Variants in ITPR2 observed in about 807,000 individuals in gnomAD.
ITPR2 encodes inositol 1,4,5-trisphosphate-gated calcium channel ITPR2.
A neutral mutation model predicts 317.1 loss-of-function variants in ITPR2; 207 were observed. The ratio of observed to expected loss-of-function variants is 0.65; its 90% CI spans 0.58 to 0.73. The LOEUF (loss-of-function observed/expected upper bound fraction) is 0.73. Ranked by LOEUF, ITPR2 falls within the 30% of genes least tolerant of loss-of-function variation. The probability of loss-of-function intolerance (pLI) is 0.00; values close to 1 mark genes in which losing one functional copy is unlikely to be tolerated. For synonymous variants in ITPR2, 1,156 were observed against 1,149.1 expected (o/e 1.01, Z -0.12); for missense variants, 2,613 against 3,284.0 (o/e 0.80, Z 4.99).
At chr12:26,786,449 T>TTAAAAA (rs60115178) in intron 2 of ITPR2, among the ~76,000 whole-genome samples, 2 of 119,224 alleles carry the variant, frequency 1.7e-5, no homozygotes, top group African/African-American at 7.5e-5. Context: ...GAATGATCAA[T>TTAAAAA]AAAAAAAAAA....
intron 2 of ITPR2, among the ~76,000 whole-genome samples, chr12:26,780,360 T>C (rs771513388): frequency 1.3e-4 from 20 of 152,184 alleles, no homozygotes; most frequent in Non-Finnish European, 2.2e-4. Context: ...AGATATGGGT[T>C]TGCCTATCCT....
chr12:26,589,804 AAT>A (rs1565624100), intron 32 of ITPR2, among the ~76,000 whole-genome samples: 1,159 of 42,948 alleles, frequency 0.027, 182 homozygotes, highest in Non-Finnish European at 0.056. Flanking sequence ...AAAATAAATA[AAT>A]AAAAAATAAA....
intron 37 of ITPR2, among the ~76,000 whole-genome samples, chr12:26,499,221 C>T (rs1056064688): frequency 6.6e-6 from 1 of 152,156 alleles, no homozygotes; most frequent in African/African-American, 2.4e-5. Flanking sequence ...TTTTTAAATT[C>T]TCTTCGGCAG....
Position 26,423,493 on chromosome 12 carries a change from G to A in ITPR2, c.6946-4280C>T, listed in dbSNP as rs532755116. ...CACATTTCCAGGTACTATTAGAAAGGAAAAATCATTGTAGGTAAGAAGTTT... is the reference window on the plus strand; with the variant it reads ...CACATTTCCAGGTACTATTAGAAAGAAAAAATCATTGTAGGTAAGAAGTTT... On this transcript the variant is annotated intron_variant, in intron 49 of 56. Coordinates refer to ENST00000381340, the MANE Select transcript of ITPR2 (RefSeq NM_002223.4). 1.2e-4 allele frequency among the ~76,000 whole-genome samples: 18 copies of A among 152,134 alleles called. No individual in the cohort carries two copies. The East Asian group carries it at 3.3e-3, about 28-fold the overall frequency.
chr12:26,701,122 G>T, intron 9 of ITPR2, among the ~76,000 whole-genome samples: 1 of 152,096 alleles, frequency 6.6e-6, no homozygotes, highest in African/African-American at 2.4e-5. Flanking sequence ...AGAATATAAA[G>T]AAGTCAGGTA....
chr12:26,354,068 G>A (rs1370961190), intron 55 of ITPR2, among the ~76,000 whole-genome samples: 2 of 152,190 alleles, frequency 1.3e-5, no homozygotes, highest in African/African-American at 4.8e-5. Flanking sequence ...GAGGTCAGGA[G>A]TTCAAGACCA....
intron 2 of ITPR2, among the ~76,000 whole-genome samples, chr12:26,784,224 A>G (rs1294221545): frequency 2.0e-5 from 3 of 151,152 alleles, no homozygotes; most frequent in Non-Finnish European, 4.4e-5. Context: ...ATTTATTCCA[A>G]TGTTTACAGT....
chr12:26,721,205 G>GTT (rs11407207), intron 5 of ITPR2: 6,009 of 393,976 alleles, frequency 0.015, no homozygotes, highest in Non-Finnish European at 0.021. Context: ...AAAAAGTAGG[G>GTT]TTTTTTTTTT....
chr12:26,721,703 C>T (rs541677820), intron 5 of ITPR2, among the ~76,000 whole-genome samples: 1 of 152,044 alleles, frequency 6.6e-6, no homozygotes, highest in Admixed American at 6.6e-5. Context: ...ATAATTTATT[C>T]TCTATTTTAT....
chr12:26,542,527 T>A (rs1944290186), intron 37 of ITPR2, among the ~76,000 whole-genome samples: 1 of 152,142 alleles, frequency 6.6e-6, no homozygotes. Flanking sequence ...GAAGAATAAA[T>A]AAGGTAACAT....
chr12:26,521,357 C>A (rs945503120), intron 37 of ITPR2, among the ~76,000 whole-genome samples: 21 of 151,944 alleles, frequency 1.4e-4, no homozygotes, highest in Non-Finnish European at 2.9e-4. Flanking sequence ...GATAAAAATA[C>A]CTTAATAGCT....
intron 1 of ITPR2, among the ~76,000 whole-genome samples, chr12:26,809,524 T>C (rs977218199): frequency 4.6e-5 from 7 of 152,230 alleles, no homozygotes; most frequent in Non-Finnish European, 8.8e-5. Context: ...GCAATCTCAT[T>C]TGACATTTTG....
chr12:26,459,586 C>T (rs748779925), intron 45 of ITPR2, among the ~76,000 whole-genome samples: 9 of 152,228 alleles, frequency 5.9e-5, no homozygotes, highest in Non-Finnish European at 1.0e-4. Flanking sequence ...TGGCCCCACC[C>T]TCTTTTGTGA....
intron 55 of ITPR2, among the ~76,000 whole-genome samples, chr12:26,371,190 G>A (rs954280851): frequency 1.3e-5 from 2 of 152,176 alleles, no homozygotes; most frequent in Non-Finnish European, 2.9e-5. Flanking sequence ...GTCATTAAAA[G>A]TATTCTTCAA....
intron 32 of ITPR2, among the ~76,000 whole-genome samples, chr12:26,590,047 G>C (rs1458201058): frequency 1.3e-5 from 2 of 151,650 alleles, no homozygotes; most frequent in East Asian, 3.9e-4. Flanking sequence ...TATATCAGAA[G>C]AGGAATAACT....
chr12:26,780,059 C>T (rs905259305), intron 2 of ITPR2, among the ~76,000 whole-genome samples: 2 of 152,130 alleles, frequency 1.3e-5, no homozygotes, highest in African/African-American at 4.8e-5. Flanking sequence ...CCTCTTTCCC[C>T]AGCCACCGCT....
chr12:26,420,798 T>C (rs1940865264), intron 49 of ITPR2, among the ~76,000 whole-genome samples: 1 of 152,134 alleles, frequency 6.6e-6, no homozygotes, highest in South Asian at 2.1e-4. Context: ...TATATAAGAA[T>C]ACTAATCTAT....
At chr12:26,773,634 T>C (rs1328533877) in intron 2 of ITPR2, among the ~76,000 whole-genome samples, 1 of 152,238 alleles carries the variant, frequency 6.6e-6, no homozygotes, top group Non-Finnish European at 1.5e-5. Context: ...ATTGTGTGAG[T>C]GCTGCCTTAA....
At chr12:26,383,650 ATTTTT>A (rs10687022) in intron 55 of ITPR2, among the ~76,000 whole-genome samples, 1 of 134,364 alleles carries the variant, frequency 7.4e-6, no homozygotes, top group African/African-American at 2.8e-5. Flanking sequence ...CGCCTGGCTA[ATTTTT>A]TTTTTTTTTT....
Sources: allele counts gnomAD v4.1 joint callset (sites outside exome capture counted in the v4.1 genomes callset), GRCh38; gene constraint gnomAD v4.1.1; transcripts MANE v1.5; gene names NCBI Gene and HGNC (gene_info 2026-07-23, HGNC 2026-07-21).